The following FER variants were observed in gnomAD, a reference collection of about 807,000 sequenced individuals.
FER encodes tyrosine-protein kinase Fer.
FER carries 63 observed loss-of-function variants against 111.0 expected under a neutral mutation model. The ratio of observed to expected loss-of-function variants is 0.57; its 90% confidence interval spans 0.46 to 0.70. FER has a LOEUF of 0.70. Ranked by LOEUF, FER falls within the 30% of genes least tolerant of loss-of-function variation. The pLI is 0.00. For missense variants in FER, 914 were observed against 954.0 expected (o/e 0.96, Z 0.55); for synonymous variants, 327 against 313.9 (o/e 1.04, Z -0.44).
chr5:109,182,000 G>A (rs186161831), intron 18 of FER, among the ~76,000 whole-genome samples: 39 of 152,204 alleles, frequency 2.6e-4, no homozygotes, highest in Admixed American at 2.0e-3. Flanking sequence ...GGAATTATAC[G>A]GTATGCGATA....
Position 109,044,804 on chromosome 5 carries a change from T to A in FER, c.1829+9T>A. 7.9e-7 allele frequency: 1 copy of A among 1,273,036 alleles called. No individual in the cohort carries two copies. Among genetic ancestry groups the A allele is most frequent in the Non-Finnish European group, 1.1e-6 (1 of 904,134 alleles). The allele number at this position is 1,273,036 out of a possible 1,614,324, so 78.9% of individuals were successfully genotyped here. A position where few individuals can be genotyped will look rare whatever the true frequency, so the allele number is the denominator to read the frequency against. On this transcript the variant is annotated intron_variant, in intron 15 of 19. Transcript: ENST00000281092. ...TTTTTACAAGAAGCCAAGTGAGTTA[T>A]TTAAAGTAATCAAAATATGTATTTA...
At chr5:108,870,057 G>A (rs990251046) in intron 6 of FER, among the ~76,000 whole-genome samples, 6 of 151,886 alleles carry the variant, frequency 4.0e-5, no homozygotes, top group Non-Finnish European at 1.5e-5. Flanking sequence ...TTTATTAATA[G>A]ACATATTTAA....
intron 17 of FER, among the ~76,000 whole-genome samples, chr5:109,171,407 A>G (rs1023269397): frequency 2.6e-5 from 4 of 152,226 alleles, no homozygotes; most frequent in African/African-American, 9.6e-5. Flanking sequence ...GCTTATGGAA[A>G]AAATCTGTGG....
At chr5:109,028,090 A>G (rs570851533) in intron 13 of FER, among the ~76,000 whole-genome samples, 4 of 152,318 alleles carry the variant, frequency 2.6e-5, no homozygotes, top group Admixed American at 2.6e-4. Flanking sequence ...TAAGTGGTAT[A>G]GAGACCGAAG....
At chr5:109,110,737 G>A (rs918990478) in intron 17 of FER, among the ~76,000 whole-genome samples, 4 of 152,038 alleles carry the variant, frequency 2.6e-5, no homozygotes, top group Non-Finnish European at 5.9e-5. Flanking sequence ...CCATGTTTGT[G>A]TGCTGCACCC....
At chr5:108,778,933 C>G (rs1425813145) in intron 2 of FER, among the ~76,000 whole-genome samples, 1 of 151,228 alleles carries the variant, frequency 6.6e-6, no homozygotes, top group Non-Finnish European at 1.5e-5. Flanking sequence ...AGGAGTTTTA[C>G]TTTTGCATTT....
chr5:108,927,627 C>A (rs1326943548), intron 10 of FER, among the ~76,000 whole-genome samples: 1 of 152,134 alleles, frequency 6.6e-6, no homozygotes, highest in Non-Finnish European at 1.5e-5. Context: ...GTTTTCAAGG[C>A]TTGTGAAGTT....
At chr5:109,048,894 A>G (rs1222177353) in intron 16 of FER, among the ~76,000 whole-genome samples, 2 of 151,680 alleles carry the variant, frequency 1.3e-5, no homozygotes, top group African/African-American at 2.4e-5. Context: ...GCAGTTATCT[A>G]TACAATTCTA....
intron 13 of FER, among the ~76,000 whole-genome samples, chr5:109,035,722 G>A (rs758302820): frequency 6.6e-6 from 1 of 152,074 alleles, no homozygotes; most frequent in Non-Finnish European, 1.5e-5. Flanking sequence ...TTTCCCAAAC[G>A]CAAAAATGCT....
chr5:108,751,088 A>G (rs957872567), intron 1 of FER, among the ~76,000 whole-genome samples: 3 of 152,182 alleles, frequency 2.0e-5, no homozygotes, highest in Admixed American at 1.3e-4. Flanking sequence ...GCTACTCGGG[A>G]GGCTGAGGCA....
At position 109,125,404 on chromosome 5, in the gene FER, A is replaced by T. The variant is rs547505195; in HGVS notation, c.2048+24885A>T. Reference sequence around the variant, plus strand: ...TTATGTAAGTGGTTTTACATAAATAAGTTTACTAAATTTTTCTTAAAAGTG... The same window carrying T: ...TTATGTAAGTGGTTTTACATAAATATGTTTACTAAATTTTTCTTAAAAGTG... On this transcript the variant is annotated intron_variant, in intron 17 of 19. Transcript: ENST00000281092. Among the ~76,000 whole-genome samples, 21 of 152,320 alleles carry T rather than the reference A, an allele frequency of 1.4e-4. No individual in the cohort carries two copies. In the South Asian group the frequency reaches 4.3e-3, roughly 32 times the overall value.
chr5:109,094,868 A>AT (rs1182813825), intron 16 of FER, among the ~76,000 whole-genome samples: 1 of 152,142 alleles, frequency 6.6e-6, no homozygotes, highest in Non-Finnish European at 1.5e-5. Flanking sequence ...GCTGAATTAG[A>AT]TTATCTCCAA....
intron 1 of FER, among the ~76,000 whole-genome samples, chr5:108,753,521 C>A (rs1750730154): frequency 6.6e-6 from 1 of 151,944 alleles, no homozygotes; most frequent in Non-Finnish European, 1.5e-5. Context: ...GATGGTTGCC[C>A]TAAATTCCTT....
intron 13 of FER, among the ~76,000 whole-genome samples, chr5:108,999,827 C>T (rs1764490263): frequency 6.6e-6 from 1 of 150,980 alleles, no homozygotes; most frequent in Non-Finnish European, 1.5e-5. Context: ...TTCTGTTTTC[C>T]ACTTCTATGT....
chr5:108,974,222 T>A (rs371621469), intron 13 of FER, among the ~76,000 whole-genome samples: 1 of 152,268 alleles, frequency 6.6e-6, no homozygotes, highest in East Asian at 1.9e-4. Context: ...CAAGATAGAT[T>A]AGTGAGAATT....
At chr5:108,850,084 A>G (rs543709094) in intron 5 of FER, among the ~76,000 whole-genome samples, 202 of 151,944 alleles carry the variant, frequency 1.3e-3, no homozygotes, top group African/African-American at 4.3e-3. Context: ...AGTCCTAGCC[A>G]CTTGGGAGGC....
chr5:109,168,734 CTA>C (rs760912120), intron 17 of FER, among the ~76,000 whole-genome samples: 13 of 152,134 alleles, frequency 8.5e-5, no homozygotes, highest in Non-Finnish European at 1.6e-4. Flanking sequence ...TTTTAAAATC[CTA>C]TGTCTTAGTT....
At chr5:108,844,939 T>G (rs552338328) in intron 5 of FER, among the ~76,000 whole-genome samples, 1 of 140,228 alleles carries the variant, frequency 7.1e-6, no homozygotes. Flanking sequence ...TTTCCAGTAT[T>G]GGGCCATTAC....
At chr5:108,876,502 T>C (rs1349227031) in intron 8 of FER, among the ~76,000 whole-genome samples, 1 of 152,190 alleles carries the variant, frequency 6.6e-6, no homozygotes, top group African/African-American at 2.4e-5. Flanking sequence ...TGGCATCTTA[T>C]TTTTATTATC....
Sources: gnomAD v4.1 joint callset for allele counts (sites outside exome capture counted in the v4.1 genomes callset) on GRCh38, gnomAD v4.1.1 for gene constraint, MANE v1.5 for transcripts, NCBI Gene and HGNC (gene_info 2026-07-23, HGNC 2026-07-21) for gene names.